Variants in CDKL5 observed in about 807,000 individuals in gnomAD.
CDKL5 encodes cyclin-dependent kinase-like 5.
In CDKL5, 8 loss-of-function variants were observed where a neutral mutation model predicts 61.7. The ratio of observed to expected loss-of-function variants is 0.13; its 90% CI spans 0.08 to 0.23. The LOEUF is 0.23. Among genes scored for constraint, CDKL5 ranks in the 10% least tolerant of loss-of-function variants. The probability of loss-of-function intolerance (pLI) is 1.00; values close to 1 mark genes in which losing one functional copy is unlikely to be tolerated. For missense variants in CDKL5, 440 were observed against 734.5 expected, an observed-to-expected ratio of 0.60 and a Z score of 4.63; for synonymous variants, 275 against 272.3, an observed-to-expected ratio of 1.01 and a Z score of -0.10.
intron 3 of CDKL5, 36 bp from the exon 4 acceptor site, chrX:18,564,441 G>C: frequency 9.2e-7 from 1 of 1,091,953 alleles, no homozygotes; most frequent in Non-Finnish European, 1.3e-6. Context: ...AAAAACACTG[G>C]AGAATGACTT....
chrX:18,474,121 A>G (rs1353319121), intron 1 of CDKL5, among the ~76,000 whole-genome samples: 1 of 110,845 alleles, frequency 9.0e-6, no homozygotes, highest in Non-Finnish European at 1.9e-5. Context: ...CACCCGCACC[A>G]TCCCAAAGTG....
intron 8 of CDKL5, among the ~76,000 whole-genome samples, chrX:18,586,090 A>G (rs1602275223): frequency 1.8e-5 from 2 of 110,987 alleles, no homozygotes; most frequent in African/African-American, 6.5e-5. Flanking sequence ...AAGCTTTACT[A>G]TTTTTTTTAA....
At chrX:18,609,714 AG>A in intron 14 of CDKL5, 144 bp downstream of exon 14, 1 of 1,045,457 alleles carries the variant, frequency 9.6e-7, no homozygotes, top group Non-Finnish European at 1.3e-6. Flanking sequence ...GCTCCTGCTA[AG>A]TCAGGCCCTC....
intron 2 of CDKL5, among the ~76,000 whole-genome samples, chrX:18,509,091 A>AACACACACACACAC (rs34278137): frequency 1.3e-5 from 1 of 74,880 alleles, no homozygotes; most frequent in Non-Finnish European, 2.7e-5. Context: ...ACTGTCTCAA[A>AACACACACACACAC]ACACACACAC....
chrX:18,447,588 A>T (rs1446747646), intron 1 of CDKL5, among the ~76,000 whole-genome samples: 3 of 110,632 alleles, frequency 2.7e-5, no homozygotes, highest in Non-Finnish European at 5.7e-5. Context: ...GTTGCACCTG[A>T]CACTGTTAAT....
At chrX:18,502,051 C>A (rs1387780167) in intron 1 of CDKL5, among the ~76,000 whole-genome samples, 1 of 112,143 alleles carries the variant, frequency 8.9e-6, no homozygotes, top group East Asian at 2.8e-4. Flanking sequence ...CTCTGAGCAT[C>A]TTTTACCAGG....
Position 18,630,862 on chromosome X carries a change from G to A in CDKL5, c.*2105G>A. The A allele has an allele frequency of 4.0e-6, 3 of 750,743 alleles. No individual in the cohort carries two copies. In the South Asian group the frequency reaches 2.1e-4, roughly 52 times the overall value. The allele number at this position is 750,743 out of a possible 1,213,427, so 61.9% of individuals were successfully genotyped here. ...TGGCTTTTCCAGGCAGCTGCTTGAT[G>A]ATACAAATGAGGTGGACCATCAGCA... is the stretch of plus-strand genomic sequence containing the variant. On this transcript the variant is annotated 3_prime_UTR_variant, in exon 18 of 18. Transcript: ENST00000623535.
chrX:18,471,023 G>A lies in CDKL5; in HGVS notation c.-162-35912G>A, dbSNP rs914322461. 4.5e-5 allele frequency among the ~76,000 whole-genome samples: 5 copies of A among 111,869 alleles called. No individual in the cohort carries two copies. In the East Asian group the frequency reaches 1.4e-3, roughly 32 times the overall value. Reference sequence around the variant, plus strand: ...CTTCATGAAGATCTTGTAAGAATTTGGCCATCTTGAACTTGGTGTACTGTG... The same window carrying A: ...CTTCATGAAGATCTTGTAAGAATTTAGCCATCTTGAACTTGGTGTACTGTG... On this transcript the variant is annotated intron_variant, in intron 1 of 17. Coordinates refer to ENST00000623535, the MANE Select transcript of CDKL5 (RefSeq NM_001323289.2).
In CDKL5 at chrX:18,579,976, T is replaced by G. The variant is rs756415872; in HGVS notation, c.403+8T>G. The G allele has an allele frequency of 8.4e-7, 1 of 1,184,328 alleles. No individual in the cohort carries two copies. ...ATGATATTGTCCATCGAGGTGAGTA[T>G]GAGATTTTTAAAATGGAAAATATTA... On this transcript the variant is annotated splice_region_variant and intron_variant, in intron 6 of 17. Transcript: ENST00000623535.
chrX:18,624,422 C>T (rs895075787), intron 16 of CDKL5, among the ~76,000 whole-genome samples: 1 of 112,319 alleles, frequency 8.9e-6, no homozygotes, highest in Non-Finnish European at 1.9e-5. Flanking sequence ...CTAACAGGCT[C>T]CATGAAAAAA....
At chrX:18,443,343 T>G (rs1931797239) in intron 1 of CDKL5, among the ~76,000 whole-genome samples, 1 of 111,874 alleles carries the variant, frequency 8.9e-6, no homozygotes, top group Admixed American at 9.5e-5. Context: ...TTTGACAAAT[T>G]TGTAAATTTT....
intron 3 of CDKL5, among the ~76,000 whole-genome samples, chrX:18,516,721 A>C (rs1261385799): frequency 9.1e-6 from 1 of 110,461 alleles, no homozygotes; most frequent in Non-Finnish European, 1.9e-5. Flanking sequence ...GTCATGTGTC[A>C]TTTTCCATGC....
rs185269241 is a variant in CDKL5, at chrX:18,490,985, A to G, written c.-162-15950A>G. Among the ~76,000 whole-genome samples the G allele has an allele frequency of 2.7e-5, 3 of 112,050 alleles. No homozygotes were observed. The South Asian group carries it at 1.1e-3, about 42-fold the overall frequency. ...TTGCTGCTGTCTAGTCATTATTACT[A>G]TGTTTTTTCCCTTTGACATAAGTGA... On this transcript the variant is annotated intron_variant, in intron 1 of 17. Transcript: ENST00000623535.
At chrX:18,642,834 G>A (rs1170124113), downstream of CDKL5, among the ~76,000 whole-genome samples, 1 of 110,395 alleles carries the variant, frequency 9.1e-6, no homozygotes, top group Non-Finnish European at 1.9e-5. Flanking sequence ...GAGGTCAGGA[G>A]TTTGAGACCA....
At chrX:18,536,806 G>T (rs989068173) in intron 3 of CDKL5, among the ~76,000 whole-genome samples, 7 of 110,656 alleles carry the variant, frequency 6.3e-5, no homozygotes, top group African/African-American at 2.3e-4. Context: ...TGGCTGCACC[G>T]ATCTTTCCTA....
At chrX:18,484,581 G>GT (rs1232060873) in intron 1 of CDKL5, among the ~76,000 whole-genome samples, 5 of 110,940 alleles carry the variant, frequency 4.5e-5, no homozygotes, top group African/African-American at 1.6e-4. Context: ...GTCTCCCAAG[G>GT]TGCTGGGATT....
intron 12 of CDKL5, among the ~76,000 whole-genome samples, chrX:18,608,089 CTG>C (rs780374944): frequency 1.8e-5 from 2 of 111,491 alleles, no homozygotes; most frequent in South Asian, 3.8e-4. Flanking sequence ...ATAGAAAATG[CTG>C]TGTTTTTTCC....
At chrX:18,619,829 T>C in intron 15 of CDKL5, 38 bp from the exon 16 acceptor site, 1 of 922,738 alleles carries the variant, frequency 1.1e-6, no homozygotes. Flanking sequence ...AAGAAAATGA[T>C]TGAAAAATCA....
At chrX:18,649,786 C>T (rs747645189) in intron 20 of CDKL5, among the ~76,000 whole-genome samples, 49 of 112,159 alleles carry the variant, frequency 4.4e-4, no homozygotes, top group Non-Finnish European at 7.5e-4. Context: ...TGAGTGCCTG[C>T]GGACTCGAGG....
Sources: gnomAD v4.1 joint callset for allele counts (sites outside exome capture counted in the v4.1 genomes callset) on GRCh38, gnomAD v4.1.1 for gene constraint, MANE v1.5 for transcripts, NCBI Gene and HGNC (gene_info 2026-07-23, HGNC 2026-07-21) for gene names.